The following CDC14B variants were observed in gnomAD, a reference collection of about 807,000 sequenced individuals.
CDC14B encodes the protein cell division cycle 14B.
A neutral mutation model predicts 64.2 loss-of-function variants in CDC14B; 22 were observed. The observed-to-expected ratio is 0.34, with a 90% CI of 0.24 to 0.49. CDC14B has a LOEUF of 0.49. Among genes scored for constraint, CDC14B ranks in the 20% least tolerant of loss-of-function variants. The pLI is 0.99. For synonymous variants in CDC14B, 191 were observed against 215.8 expected (o/e 0.89, Z 1.01); for missense variants, 498 against 629.9 (o/e 0.79, Z 2.24).
In CDC14B at chr9:96,553,279, T is replaced by C. The variant is rs574997776; in HGVS notation, c.421-1407A>G. Among the ~76,000 whole-genome samples the C allele has an allele frequency of 5.9e-5, 9 of 152,220 alleles. No homozygotes were observed. The East Asian group carries it at 1.7e-3, about 29-fold the overall frequency. ...CACTGACTCAGCTTCCAAAGGGCATTTCACCAATTTTCTGACTCAAGACTC... is the reference window on the plus strand; with the variant it reads ...CACTGACTCAGCTTCCAAAGGGCATCTCACCAATTTTCTGACTCAAGACTC... On this transcript the variant is annotated intron_variant, in intron 4 of 13. Transcript: ENST00000375241.
intron 4 of CDC14B, among the ~76,000 whole-genome samples, chr9:96,561,419 G>A (rs545407545): frequency 4.1e-4 from 63 of 152,328 alleles, no homozygotes; most frequent in African/African-American, 1.5e-3. Context: ...GGTAAGGCAT[G>A]CCAGAGATAA....
At chr9:96,493,662 T>G (rs1413986628) in intron 13 of CDC14B, among the ~76,000 whole-genome samples, 1 of 152,174 alleles carries the variant, frequency 6.6e-6, no homozygotes, top group Admixed American at 6.5e-5. Flanking sequence ...AGACCATGTC[T>G]CTACAATAAA....
In CDC14B at chr9:96,523,423, A is replaced by G. The variant is rs1837058433; in HGVS notation, c.1086-3T>C. On this transcript the variant is annotated splice_region_variant and splice_polypyrimidine_tract_variant and intron_variant, in intron 10 of 13. Coordinates refer to ENST00000375241, the MANE Select transcript of CDC14B (RefSeq NM_033331.4). ...CCAGCCAGAGGTTGGTTTGCTTCCT[A>G]GAGCATTTAAATAACATCAAAATAG... The G allele has an allele frequency of 1.2e-6, 2 of 1,613,488 alleles. No homozygotes were observed. Among genetic ancestry groups the G allele is most frequent in the African/African-American group, 2.7e-5 (2 of 74,880 alleles).
chr9:96,609,414 T>C (rs965541060), intron 1 of CDC14B, among the ~76,000 whole-genome samples: 2 of 152,208 alleles, frequency 1.3e-5, no homozygotes, highest in Non-Finnish European at 1.5e-5. Flanking sequence ...GATTTAAGAG[T>C]GTATTCTTTC....
chr9:96,556,879 G>A (rs909859509), intron 4 of CDC14B, among the ~76,000 whole-genome samples: 4 of 152,060 alleles, frequency 2.6e-5, no homozygotes, highest in South Asian at 2.1e-4. Flanking sequence ...CCAGACCTTG[G>A]CATCAACTGC....
chr9:96,527,226 C>T (rs934542337), intron 9 of CDC14B, among the ~76,000 whole-genome samples: 61 of 151,962 alleles, frequency 4.0e-4, no homozygotes, highest in African/African-American at 1.1e-3. Flanking sequence ...AGTGAAACCC[C>T]GTCTCTAGTA....
intron 1 of CDC14B, among the ~76,000 whole-genome samples, chr9:96,603,155 GACACACACAC>G (rs5899295): frequency 2.5e-4 from 34 of 138,142 alleles, no homozygotes; most frequent in African/African-American, 6.8e-4. Context: ...GATAGAAACG[GACACACACAC>G]ACACACACAC....
chr9:96,573,461 GA>G (rs1002554007), intron 1 of CDC14B, among the ~76,000 whole-genome samples: 26 of 147,162 alleles, frequency 1.8e-4, no homozygotes, highest in Admixed American at 4.0e-4. Context: ...AAATGTAATA[GA>G]AAAAAAAAAG....
intron 12 of CDC14B, among the ~76,000 whole-genome samples, chr9:96,513,013 G>A (rs1481791624): frequency 6.6e-6 from 1 of 152,138 alleles, no homozygotes; most frequent in Non-Finnish European, 1.5e-5. Context: ...TTAAAACTAT[G>A]ACTGAAGTGT....
intron 1 of CDC14B, among the ~76,000 whole-genome samples, chr9:96,582,151 AAAAGT>A (rs1488929712): frequency 2.0e-5 from 3 of 152,212 alleles, no homozygotes; most frequent in Non-Finnish European, 4.4e-5. Context: ...TGACACTGTA[AAAAGT>A]AAAGTAGAGG....
At chr9:96,539,264 C>A in intron 6 of CDC14B, 124 bp from the exon 7 acceptor site, 1 of 656,226 alleles carries the variant, frequency 1.5e-6, no homozygotes, top group Non-Finnish European at 2.7e-6. Context: ...AGATTACTTT[C>A]CACTGAACAG....
chr9:96,506,454 G>A (rs1834141001), intron 13 of CDC14B, among the ~76,000 whole-genome samples: 1 of 152,142 alleles, frequency 6.6e-6, no homozygotes, highest in African/African-American at 2.4e-5. Context: ...GTGGATAACA[G>A]GTAGGGTGAT....
At chr9:96,493,899 A>G (rs906808942) in intron 13 of CDC14B, among the ~76,000 whole-genome samples, 4 of 152,150 alleles carry the variant, frequency 2.6e-5, no homozygotes, top group African/African-American at 4.8e-5. Flanking sequence ...GCTGATCACC[A>G]CCTCATCCCC....
At chr9:96,590,627 T>A (rs1845730377) in intron 1 of CDC14B, among the ~76,000 whole-genome samples, 2 of 151,132 alleles carry the variant, frequency 1.3e-5, no homozygotes, top group African/African-American at 4.9e-5. Context: ...TTTCTCCACA[T>A]CCTCGCCAAC....
chr9:96,523,165 G>C, intron 11 of CDC14B, 96 bp downstream of exon 11: 2 of 1,300,002 alleles, frequency 1.5e-6, no homozygotes, highest in Non-Finnish European at 2.2e-6. Context: ...TCCAAGAGCT[G>C]CTTTATTATT....
intron 6 of CDC14B, among the ~76,000 whole-genome samples, chr9:96,540,260 CAT>C (rs1490886227): frequency 6.6e-6 from 1 of 152,130 alleles, no homozygotes; most frequent in Non-Finnish European, 1.5e-5. Flanking sequence ...CATGTTTCTT[CAT>C]ATATGCAATA....
intron 7 of CDC14B, among the ~76,000 whole-genome samples, chr9:96,535,522 C>CT (rs1196802741): frequency 6.6e-6 from 1 of 152,070 alleles, no homozygotes; most frequent in Non-Finnish European, 1.5e-5. Flanking sequence ...ATAATAGAAA[C>CT]TTCTGTCTTA....
At chr9:96,528,292 C>T (rs1415462372) in intron 9 of CDC14B, among the ~76,000 whole-genome samples, 1 of 152,074 alleles carries the variant, frequency 6.6e-6, no homozygotes, top group East Asian at 1.9e-4. Flanking sequence ...GAGGCCAAGG[C>T]GGGTGGACTA....
chr9:96,569,880 G>A (rs539009501), intron 1 of CDC14B, among the ~76,000 whole-genome samples: 4 of 152,096 alleles, frequency 2.6e-5, no homozygotes, highest in East Asian at 3.9e-4. Context: ...GAGCCACCGC[G>A]CCTGGCCGAA....
Sources: gnomAD v4.1 joint callset for allele counts (sites outside exome capture counted in the v4.1 genomes callset) on GRCh38, gnomAD v4.1.1 for gene constraint, MANE v1.5 for transcripts, NCBI Gene and HGNC (gene_info 2026-07-23, HGNC 2026-07-21) for gene names.